Variants in ELAVL2 observed in about 807,000 individuals in gnomAD.
ELAVL2 encodes ELAV-like protein 2.
ELAVL2 carries 4 observed loss-of-function variants against 34.6 expected under a neutral mutation model. The observed-to-expected ratio is 0.12, with a 90% confidence interval of 0.06 to 0.26. The LOEUF is 0.26. ELAVL2 is among the 10% of genes least tolerant of loss of function. The probability of loss-of-function intolerance (pLI) is 1.00; values close to 1 mark genes in which losing one functional copy is unlikely to be tolerated. For synonymous variants in ELAVL2, 193 were observed against 154.8 expected, an observed-to-expected ratio of 1.25 and a Z score of -1.83; for missense variants, 432 against 442.8, an observed-to-expected ratio of 0.98 and a Z score of 0.22.
chr9:23,803,123 C>T (rs2061771237), intron 1 of ELAVL2, among the ~76,000 whole-genome samples: 1 of 152,162 alleles, frequency 6.6e-6, no homozygotes, highest in African/African-American at 2.4e-5. Flanking sequence ...CTTCCAACTA[C>T]TCTCCTTACC....
intron 1 of ELAVL2, among the ~76,000 whole-genome samples, chr9:23,783,698 ACTGT>A (rs1334117302): frequency 2.0e-5 from 3 of 152,182 alleles, no homozygotes; most frequent in Non-Finnish European, 4.4e-5. Flanking sequence ...GTTCCCACTT[ACTGT>A]CTAAGCAAAG....
At chr9:23,830,712 C>T (rs1170799819), upstream of ELAVL2, among the ~76,000 whole-genome samples, 1 of 151,172 alleles carries the variant, frequency 6.6e-6, no homozygotes, top group African/African-American at 2.4e-5. Context: ...AGATCTGTTG[C>T]ACATGTCCCA....
chr9:23,815,174 T>C (rs889280246), intron 1 of ELAVL2, among the ~76,000 whole-genome samples: 4 of 152,138 alleles, frequency 2.6e-5, no homozygotes, highest in African/African-American at 9.7e-5. Context: ...TTAATATAAA[T>C]GGTTAAATTT....
intron 2 of ELAVL2, among the ~76,000 whole-genome samples, chr9:23,749,135 TTA>T (rs1267864301): frequency 6.6e-6 from 1 of 152,142 alleles, no homozygotes; most frequent in African/African-American, 2.4e-5. Context: ...ATGATAAATT[TTA>T]TGTTATATTT....
intron 2 of ELAVL2, among the ~76,000 whole-genome samples, chr9:23,753,822 T>C (rs1455663232): frequency 1.3e-5 from 2 of 152,166 alleles, no homozygotes; most frequent in Non-Finnish European, 1.5e-5. Context: ...TGCACTCTTA[T>C]GCTGAATTAT....
intron 1 of ELAVL2, among the ~76,000 whole-genome samples, chr9:23,777,092 A>G (rs1295499007): frequency 2.0e-5 from 3 of 152,238 alleles, no homozygotes; most frequent in Non-Finnish European, 4.4e-5. Context: ...TTTAACATGT[A>G]AATTGCTTAG....
chr9:23,768,652 C>T (rs1048232312), intron 1 of ELAVL2, among the ~76,000 whole-genome samples: 1 of 151,982 alleles, frequency 6.6e-6, no homozygotes, highest in African/African-American at 2.4e-5. Context: ...AAAAGGAAAC[C>T]ATCTACCTTT....
At chr9:23,797,040 A>G (rs1188989315) in intron 1 of ELAVL2, among the ~76,000 whole-genome samples, 1 of 152,196 alleles carries the variant, frequency 6.6e-6, no homozygotes, top group Non-Finnish European at 1.5e-5. Context: ...CAATTTAGCT[A>G]AATGGACACA....
In ELAVL2 at chr9:23,735,077, T is replaced by G. The variant is rs546819710; in HGVS notation, c.230-3952A>C. 8.3e-4 allele frequency among the ~76,000 whole-genome samples: 61 copies of G among 73,782 alleles called. 1 individual carries two copies. Among genetic ancestry groups the G allele is most frequent in the South Asian group, 7.7e-3 (17 of 2,220 alleles). The allele number at this position is 73,782 out of a possible 152,430, so 48.4% of individuals were successfully genotyped here. On this transcript the variant is annotated intron_variant, in intron 2 of 6. Coordinates refer to ENST00000397312, the MANE Select transcript of ELAVL2 (RefSeq NM_004432.5). ...AACCAACATGATTAAAAGACTATTC[T>G]GACCAAAATGACAAAGCTAAGGCTC...
chr9:23,729,911 T>C (rs1201397931), intron 3 of ELAVL2, among the ~76,000 whole-genome samples: 1 of 152,084 alleles, frequency 6.6e-6, no homozygotes, highest in Non-Finnish European at 1.5e-5. Context: ...TTTACACAAG[T>C]CTCTAAGCAA....
chr9:23,773,606 TTGA>T (rs567949288), intron 1 of ELAVL2, among the ~76,000 whole-genome samples: 100 of 152,290 alleles, frequency 6.6e-4, no homozygotes, highest in African/African-American at 2.4e-3. Flanking sequence ...TTCCCAAGTG[TTGA>T]TGAGAAACAT....
At chr9:23,698,630 A>G (rs1299159495) in intron 5 of ELAVL2, among the ~76,000 whole-genome samples, 1 of 152,236 alleles carries the variant, frequency 6.6e-6, no homozygotes, top group East Asian at 1.9e-4. Flanking sequence ...GCATTAAAAC[A>G]CAAATATCAG....
chr9:23,737,841 T>C (rs905947626), intron 2 of ELAVL2, among the ~76,000 whole-genome samples: 1 of 152,168 alleles, frequency 6.6e-6, no homozygotes, highest in African/African-American at 2.4e-5. Context: ...GGTTTAATAA[T>C]GCAATACTTT....
chr9:23,733,687 T>C (rs1314896050), intron 2 of ELAVL2, among the ~76,000 whole-genome samples: 2 of 152,226 alleles, frequency 1.3e-5, no homozygotes, highest in South Asian at 2.1e-4. Flanking sequence ...GTGAAAAGCC[T>C]GTCTTGCTTA....
At chr9:23,800,417 A>C (rs2061444508) in intron 1 of ELAVL2, among the ~76,000 whole-genome samples, 1 of 152,220 alleles carries the variant, frequency 6.6e-6, no homozygotes, top group Non-Finnish European at 1.5e-5. Context: ...GAGCAGCTCT[A>C]CTAAGCCAGA....
chr9:23,821,296 T>C (rs1054105110), intron 1 of ELAVL2: 2 of 152,314 alleles, frequency 1.3e-5, no homozygotes, highest in South Asian at 4.1e-4. Context: ...CCGTGCACGC[T>C]GCCAGGCGCG....
intron 1 of ELAVL2, among the ~76,000 whole-genome samples, chr9:23,776,114 G>A (rs2058149368): frequency 6.6e-6 from 1 of 152,142 alleles, no homozygotes; most frequent in South Asian, 2.1e-4. Flanking sequence ...ACCCTGTATA[G>A]CTGGAGGAGC....
At chr9:23,747,652 A>G (rs1262231515) in intron 2 of ELAVL2, among the ~76,000 whole-genome samples, 1 of 152,178 alleles carries the variant, frequency 6.6e-6, no homozygotes, top group Non-Finnish European at 1.5e-5. Context: ...ACATGAGTGC[A>G]AAGTAGGCAG....
At chr9:23,766,221 C>A (rs1426512722) in intron 1 of ELAVL2, among the ~76,000 whole-genome samples, 2 of 152,234 alleles carry the variant, frequency 1.3e-5, no homozygotes, top group African/African-American at 2.4e-5. Flanking sequence ...TACTTTTTTA[C>A]AGGAAGCCAT....
Sources: gnomAD v4.1 joint callset for allele counts (sites outside exome capture counted in the v4.1 genomes callset) on GRCh38, gnomAD v4.1.1 for gene constraint, MANE v1.5 for transcripts, NCBI Gene and HGNC (gene_info 2026-07-23, HGNC 2026-07-21) for gene names.